The following COL4A6 variants were observed in gnomAD, a reference collection of about 807,000 sequenced individuals.
The protein encoded by COL4A6 is collagen alpha-6(IV) chain.
Under a neutral mutation model 126.7 loss-of-function variants are expected in COL4A6, and 59 were observed. That is an observed-to-expected ratio of 0.47 (90% CI 0.38 to 0.58). The LOEUF (loss-of-function observed/expected upper bound fraction) is 0.58, where lower values mean the gene tolerates loss of function less well. Ranked by LOEUF, COL4A6 falls within the 20% of genes least tolerant of loss-of-function variation. COL4A6 has a pLI of 0.00. For synonymous variants in COL4A6, 547 were observed against 496.6 expected (o/e 1.10, Z -1.35); for missense variants, 1,285 against 1,337.3 (o/e 0.96, Z 0.61).
chrX:108,341,778 T>C (rs2039571200), intron 2 of COL4A6, among the ~76,000 whole-genome samples: 1 of 111,508 alleles, frequency 9.0e-6, no homozygotes, highest in African/African-American at 3.3e-5. Context: ...CCCTCTTTCA[T>C]TTGAGAATTG....
At chrX:108,307,455 G>C (rs1401256110) in intron 3 of COL4A6, among the ~76,000 whole-genome samples, 3 of 112,311 alleles carry the variant, frequency 2.7e-5, no homozygotes, top group Non-Finnish European at 5.6e-5. Flanking sequence ...GCATACCTTT[G>C]AGAAATCTGT....
chrX:108,282,642 A>G (rs1179907643), intron 3 of COL4A6, among the ~76,000 whole-genome samples: 2 of 109,663 alleles, frequency 1.8e-5, no homozygotes, highest in African/African-American at 3.3e-5. Context: ...CCATCCCATT[A>G]CTGGGTATAT....
chrX:108,350,717 G>A (rs1187656764), intron 2 of COL4A6, among the ~76,000 whole-genome samples: 1 of 111,226 alleles, frequency 9.0e-6, no homozygotes, highest in Non-Finnish European at 1.9e-5. Flanking sequence ...GCGGAACGCT[G>A]ACTTTCATGT....
chrX:108,317,441 T>A (rs1172188219), intron 2 of COL4A6, among the ~76,000 whole-genome samples: 1 of 112,300 alleles, frequency 8.9e-6, no homozygotes, highest in African/African-American at 3.2e-5. Flanking sequence ...TAGACTTGAC[T>A]ACGTTGTGGT....
At chrX:108,422,246 G>A (rs1222853333) in intron 2 of COL4A6, among the ~76,000 whole-genome samples, 2 of 110,429 alleles carry the variant, frequency 1.8e-5, no homozygotes, top group Non-Finnish European at 3.8e-5. Context: ...CATGCCTGTA[G>A]TCCCAGCCAT....
At position 108,438,241 on chromosome X, in the gene COL4A6, G is replaced by A. The variant is rs756005619; in HGVS notation, c.-45C>T. 3 of 1,163,070 alleles carry A rather than the reference G, an allele frequency of 2.6e-6. No homozygotes were observed. The highest frequency in any genetic ancestry group is 3.0e-5 in the East Asian group (1 of 33,438). On this transcript the variant is annotated 5_prime_UTR_variant, in exon 1 of 45. Transcript: ENST00000334504. ...CTGGGTCCCGGGAGACTGCTAAGCG[G>A]CTCCGCGGCCCGTGCTCATCTGGGC...
chrX:108,267,435 A>T (rs1424508461), intron 3 of COL4A6, among the ~76,000 whole-genome samples: 2 of 112,228 alleles, frequency 1.8e-5, no homozygotes, highest in Non-Finnish European at 3.8e-5. Flanking sequence ...TCTGCCTACC[A>T]CAAGCTCCAA....
intron 3 of COL4A6, among the ~76,000 whole-genome samples, chrX:108,237,688 C>A (rs905115868): frequency 9.0e-6 from 1 of 111,616 alleles, no homozygotes; most frequent in Non-Finnish European, 1.9e-5. Context: ...AATAAAATGT[C>A]ATCATTAGTC....
chrX:108,354,598 TCC>T lies in COL4A6; in HGVS notation c.64-43772_64-43771del, dbSNP rs765846496. Among the ~76,000 whole-genome samples the T allele has an allele frequency of 4.9e-3, 166 of 34,055 alleles. No homozygotes were observed. In the East Asian group the frequency reaches 0.14, roughly 29 times the overall value. 29.6% of individuals were successfully genotyped at this position (34,055 alleles called of 115,157 possible). A position where few individuals can be genotyped will look rare whatever the true frequency, so the allele number is the denominator to read the frequency against. On this transcript the variant is annotated intron_variant, in intron 2 of 44. Transcript: ENST00000334504. ...TTCCTTAGAATGCAGTTTAAATCCC[TCC>T]CCCCCCCCTTTTTTTTTACTTCATT...
intron 3 of COL4A6, among the ~76,000 whole-genome samples, chrX:108,258,031 G>T (rs1384840030): frequency 1.8e-5 from 2 of 111,676 alleles, no homozygotes; most frequent in South Asian, 3.8e-4. Context: ...AATGTTGGCA[G>T]TCAGACTTTC....
intron 3 of COL4A6, among the ~76,000 whole-genome samples, chrX:108,232,317 C>T (rs2036330395): frequency 9.0e-6 from 1 of 111,422 alleles, no homozygotes; most frequent in Non-Finnish European, 1.9e-5. Flanking sequence ...ATAAAAAAAT[C>T]ACATAAAACT....
At chrX:108,262,909 A>T (rs147461841) in intron 3 of COL4A6, among the ~76,000 whole-genome samples, 10 of 111,725 alleles carry the variant, frequency 9.0e-5, no homozygotes, top group African/African-American at 3.2e-4. Context: ...AAAAATAAAC[A>T]AACCCTCATC....
At chrX:108,203,050 A>C (rs776074806) in intron 12 of COL4A6, 69 bp from the exon 13 acceptor site, 4 of 914,488 alleles carry the variant, frequency 4.4e-6, no homozygotes, top group Non-Finnish European at 6.4e-6. Flanking sequence ...ATGGCTCTCC[A>C]CATGTACTTG....
chrX:108,239,890 C>T (rs780576023), intron 3 of COL4A6, among the ~76,000 whole-genome samples: 15 of 112,136 alleles, frequency 1.3e-4, no homozygotes, highest in Non-Finnish European at 2.6e-4. Context: ...CTTCTATCTA[C>T]ATTTTAGAAT....
At chrX:108,240,112 G>A (rs1193387162) in intron 3 of COL4A6, among the ~76,000 whole-genome samples, 3 of 110,856 alleles carry the variant, frequency 2.7e-5, no homozygotes, top group Non-Finnish European at 5.7e-5. Context: ...GCGTGGTGGT[G>A]GGCACCTATA....
intron 21 of COL4A6, among the ~76,000 whole-genome samples, chrX:108,188,244 A>G (rs1212329262): frequency 8.9e-6 from 1 of 111,921 alleles, no homozygotes; most frequent in Non-Finnish European, 1.9e-5. Context: ...CTTAATTCCT[A>G]TTTTATCTTC....
intron 2 of COL4A6, among the ~76,000 whole-genome samples, chrX:108,427,102 T>C (rs2064100224): frequency 8.9e-6 from 1 of 111,884 alleles, no homozygotes; most frequent in Non-Finnish European, 1.9e-5. Flanking sequence ...AACTATAATG[T>C]CAATTACACC....
chrX:108,348,071 C>A (rs2039752309), intron 2 of COL4A6, among the ~76,000 whole-genome samples: 1 of 111,438 alleles, frequency 9.0e-6, no homozygotes, highest in Non-Finnish European at 1.9e-5. Flanking sequence ...TCACCATATC[C>A]GCACAGCTGC....
At chrX:108,407,256 T>C (rs147495815) in intron 2 of COL4A6, among the ~76,000 whole-genome samples, 1 of 112,462 alleles carries the variant, frequency 8.9e-6, no homozygotes, top group African/African-American at 3.2e-5. Context: ...AATGCTAAAT[T>C]GCTTTCCTTC....
Sources: gnomAD v4.1 joint callset for allele counts (sites outside exome capture counted in the v4.1 genomes callset) on GRCh38, gnomAD v4.1.1 for gene constraint, MANE v1.5 for transcripts, NCBI Gene and HGNC (gene_info 2026-07-23, HGNC 2026-07-21) for gene names.